Variants in RBFOX1 observed in about 807,000 individuals in gnomAD.
RBFOX1 encodes the protein RNA binding protein fox-1 homolog 1.
Under a neutral mutation model 57.7 loss-of-function variants are expected in RBFOX1, and 8 were observed. That is an observed-to-expected ratio of 0.14 (90% CI 0.08 to 0.25). The LOEUF is 0.25. RBFOX1 is among the 10% of genes least tolerant of loss of function. The pLI is 1.00. For synonymous variants in RBFOX1, 326 were observed against 222.4 expected, an observed-to-expected ratio of 1.47 and a Z score of -4.15; for missense variants, 611 against 548.5, an observed-to-expected ratio of 1.11 and a Z score of -1.14.
intron 1 of RBFOX1, among the ~76,000 whole-genome samples, chr16:6,039,360 A>G (rs1412834177): frequency 1.3e-5 from 2 of 151,858 alleles, no homozygotes; most frequent in East Asian, 3.9e-4. Context: ...AAAAAAAAAA[A>G]AAAAACAGAA....
At position 6,818,774 on chromosome 16, in the gene RBFOX1, G is replaced by T. The variant is rs113153079; in HGVS notation, c.-16+164124G>T. On this transcript the variant is annotated intron_variant, in intron 3 of 15. Coordinates refer to ENST00000550418, the MANE Select transcript of RBFOX1 (RefSeq NM_018723.4). ...CTTCACAAGGGGGAGTGTGATCGAG[G>T]CCTGGCCACTGATGCCATTTCATCC... Among the ~76,000 whole-genome samples the T allele has an allele frequency of 7.8e-3, 1,188 of 152,240 alleles. 6 individuals carry two copies. The highest frequency in any genetic ancestry group is 0.013 in the Non-Finnish European group (899 of 68,010).
chr16:6,716,280 G>A (rs781408771), intron 3 of RBFOX1, among the ~76,000 whole-genome samples: 4 of 152,030 alleles, frequency 2.6e-5, no homozygotes, highest in South Asian at 2.1e-4. Context: ...CAAAGCCATC[G>A]TTGCTTTTCA....
At chr16:6,555,043 G>C (rs1016122070) in intron 2 of RBFOX1, among the ~76,000 whole-genome samples, 8 of 151,788 alleles carry the variant, frequency 5.3e-5, no homozygotes, top group African/African-American at 1.7e-4. Flanking sequence ...GCTGGGGAGA[G>C]GCCCAGAATA....
chr16:6,258,536 C>G lies in RBFOX1; in HGVS notation c.-126-58459C>G, dbSNP rs572706570. On this transcript the variant is annotated intron_variant, in intron 1 of 15. Transcript: ENST00000550418. ...TTATCTCACTCCTCTGCTCAAAAAC[C>G]TTCAGTGGCTCCCTATTGCTTATCA... is the stretch of plus-strand genomic sequence containing the variant. 7.9e-5 allele frequency among the ~76,000 whole-genome samples: 12 copies of G among 152,270 alleles called. No individual in the cohort carries two copies. The South Asian group carries it at 2.5e-3, about 32-fold the overall frequency.
At chr16:5,730,005 G>A (rs1328865691) in intron 3 of RBFOX1, among the ~76,000 whole-genome samples, 1 of 152,180 alleles carries the variant, frequency 6.6e-6, no homozygotes, top group African/African-American at 2.4e-5. Flanking sequence ...CCCGCAAAGG[G>A]GGTGCCTCAA....
intron 5 of RBFOX1, among the ~76,000 whole-genome samples, chr16:7,566,278 G>C (rs72774912): frequency 0.17 from 25,086 of 151,980 alleles, 2,537 homozygotes; most frequent in African/African-American, 0.28. Context: ...CTTTTTAATT[G>C]GTTGGATGAG....
At chr16:6,937,624 G>T (rs992154497) in intron 3 of RBFOX1, among the ~76,000 whole-genome samples, 3 of 151,994 alleles carry the variant, frequency 2.0e-5, no homozygotes, top group Admixed American at 6.6e-5. Flanking sequence ...ACATTGGTTC[G>T]GTCTGGAAAG....
chr16:5,559,824 G>A (rs72763217), intron 2 of RBFOX1, among the ~76,000 whole-genome samples: 26 of 152,214 alleles, frequency 1.7e-4, no homozygotes, highest in Non-Finnish European at 3.2e-4. Context: ...GGATGTGCAC[G>A]GACTAGCCCC....
At chr16:6,708,972 A>C (rs1171513431) in intron 3 of RBFOX1, among the ~76,000 whole-genome samples, 2 of 139,698 alleles carry the variant, frequency 1.4e-5, no homozygotes, top group Non-Finnish European at 1.5e-5. Context: ...TAATTTCAGC[A>C]AGCTTTTCTT....
intron 3 of RBFOX1, among the ~76,000 whole-genome samples, chr16:5,852,486 C>T (rs2056921205): frequency 1.3e-5 from 2 of 152,184 alleles, no homozygotes; most frequent in African/African-American, 4.8e-5. Flanking sequence ...CACTTTTATA[C>T]CATCGTCTCA....
At chr16:7,676,570 C>G (rs923553804) in intron 13 of RBFOX1, among the ~76,000 whole-genome samples, 2 of 152,150 alleles carry the variant, frequency 1.3e-5, no homozygotes, top group Non-Finnish European at 2.9e-5. Flanking sequence ...TGACCGCTAA[C>G]CTTTAACATC....
intron 4 of RBFOX1, among the ~76,000 whole-genome samples, chr16:7,226,775 A>G (rs1262685378): frequency 6.6e-6 from 1 of 152,290 alleles, no homozygotes; most frequent in Middle Eastern, 3.4e-3. Flanking sequence ...CTTCAAATTC[A>G]TACTCCTGTA....
In RBFOX1 at chr16:6,264,798, A is replaced by C. The variant is rs182343976; in HGVS notation, c.-126-52197A>C. Among the ~76,000 whole-genome samples the C allele has an allele frequency of 1.7e-4, 26 of 152,188 alleles. No homozygotes were observed. In the East Asian group the frequency reaches 4.4e-3, roughly 26 times the overall value. ...TAGCATGCCACTGAAACTTCTAACT[A>C]TCTGATTAGTTTTTTTGTTTTATTT... On this transcript the variant is annotated intron_variant, in intron 1 of 15. Transcript: ENST00000550418.
chr16:7,632,084 T>G (rs2061058800), intron 11 of RBFOX1, among the ~76,000 whole-genome samples: 1 of 152,108 alleles, frequency 6.6e-6, no homozygotes, highest in East Asian at 1.9e-4. Flanking sequence ...GATTTTTGTA[T>G]TTTTAGCAGA....
At chr16:7,462,811 C>G (rs2059819459) in intron 4 of RBFOX1, among the ~76,000 whole-genome samples, 1 of 152,204 alleles carries the variant, frequency 6.6e-6, no homozygotes. Flanking sequence ...GCGACAGCTA[C>G]TCGAGTCTCT....
chr16:7,281,210 C>T (rs957436360), intron 4 of RBFOX1, among the ~76,000 whole-genome samples: 1 of 151,840 alleles, frequency 6.6e-6, no homozygotes, highest in African/African-American at 2.4e-5. Context: ...ACTGTGTTGG[C>T]CAAGCTGGTC....
intron 4 of RBFOX1, among the ~76,000 whole-genome samples, chr16:7,303,092 C>T (rs985601514): frequency 6.6e-6 from 1 of 152,208 alleles, no homozygotes; most frequent in Non-Finnish European, 1.5e-5. Flanking sequence ...CCCTTCCAGT[C>T]GCCCCGAGCT....
chr16:5,970,135 C>A (rs946388085), intron 4 of RBFOX1, among the ~76,000 whole-genome samples: 4 of 152,164 alleles, frequency 2.6e-5, no homozygotes, highest in Non-Finnish European at 4.4e-5. Flanking sequence ...TTTCTTGCTG[C>A]TTCCTGTCAC....
rs558657913 is a variant in RBFOX1, at chr16:5,766,413, C to T, written c.319-100890C>T. On this transcript the variant is annotated intron_variant, in intron 3 of 19. Coordinates refer to the RBFOX1 transcript ENST00000641259. ...CATCCTGGCCAACATGACGAAACCT[C>T]GTCTCTACTAAAATGCAAAAAATTA... Among the ~76,000 whole-genome samples the T allele has an allele frequency of 4.6e-4, 70 of 152,064 alleles. 1 individual carries two copies. The highest frequency in any genetic ancestry group is 1.6e-4 in the Non-Finnish European group (11 of 68,016).
Sources: allele counts gnomAD v4.1 joint callset (sites outside exome capture counted in the v4.1 genomes callset), GRCh38; gene constraint gnomAD v4.1.1; transcripts MANE v1.5; gene names NCBI Gene and HGNC (gene_info 2026-07-23, HGNC 2026-07-21).